GALNT10: variants seen among roughly 807,000 people sequenced by gnomAD.
GALNT10 encodes GalNAc transferase 10.
Under a neutral mutation model 75.0 loss-of-function variants are expected in GALNT10, and 41 were observed. The ratio of observed to expected loss-of-function variants is 0.55; its 90% CI spans 0.43 to 0.71. GALNT10 has a LOEUF of 0.71. Ranked by LOEUF, GALNT10 falls within the 30% of genes least tolerant of loss-of-function variation. The probability of loss-of-function intolerance (pLI) is 0.00; values close to 1 mark genes in which losing one functional copy is unlikely to be tolerated. For synonymous variants in GALNT10, 302 were observed against 313.0 expected (o/e 0.96, Z 0.37); for missense variants, 727 against 818.5 (o/e 0.89, Z 1.36).
At chr5:154,270,959 A>G (rs942770889) in intron 1 of GALNT10, among the ~76,000 whole-genome samples, 1 of 138,268 alleles carries the variant, frequency 7.2e-6, no homozygotes, top group Admixed American at 8.0e-5. Context: ...ACATCACTGC[A>G]CTCCAGCCAG....
intron 1 of GALNT10, among the ~76,000 whole-genome samples, chr5:154,201,137 A>C (rs749406125): frequency 2.0e-5 from 3 of 152,132 alleles, no homozygotes; most frequent in Non-Finnish European, 4.4e-5. Context: ...AGTGGTCTCA[A>C]ACCTGGGCAC....
At chr5:154,311,689 G>A (rs778203684) in intron 3 of GALNT10, among the ~76,000 whole-genome samples, 33 of 150,938 alleles carry the variant, frequency 2.2e-4, no homozygotes, top group South Asian at 2.1e-4. Context: ...TCAGCTCACC[G>A]CAAATTCTGC....
At chr5:154,276,773 C>G (rs1833735) in intron 1 of GALNT10, among the ~76,000 whole-genome samples, 99,362 of 151,950 alleles carry the variant, frequency 0.65, 32,849 homozygotes, top group East Asian at 0.86. Flanking sequence ...GAGAGGCAGA[C>G]AGAGTGCAGT....
chr5:154,375,295 A>T (rs1395078857), intron 4 of GALNT10, among the ~76,000 whole-genome samples: 1 of 152,142 alleles, frequency 6.6e-6, no homozygotes, highest in Non-Finnish European at 1.5e-5. Context: ...AGCATTCCAC[A>T]TTTCGTCATT....
At chr5:154,361,499 T>C (rs1270717052) in intron 4 of GALNT10, among the ~76,000 whole-genome samples, 1 of 152,230 alleles carries the variant, frequency 6.6e-6, no homozygotes. Context: ...CATGTTCTCA[T>C]TGCAGAAATG....
Position 154,380,699 on chromosome 5 carries a change from C to T in GALNT10, c.938+68C>T. 3 of 1,093,172 alleles carry T rather than the reference C, an allele frequency of 2.7e-6. No homozygotes were observed. The South Asian group carries it at 4.4e-5, about 16-fold the overall frequency. The allele number at this position is 1,093,172 out of a possible 1,614,324, so 67.7% of individuals were successfully genotyped here. A position where few individuals can be genotyped will look rare whatever the true frequency, so the allele number is the denominator to read the frequency against. On this transcript the variant is annotated intron_variant, in intron 6 of 11. Coordinates refer to ENST00000297107, the MANE Select transcript of GALNT10 (RefSeq NM_198321.4). ...GACCACTCCCAACACGCACACAACT[C>T]AGGATCGCCATCTCCCTTAAAAGCC...
chr5:154,331,907 T>C (rs1254372834), intron 4 of GALNT10, among the ~76,000 whole-genome samples: 2 of 152,206 alleles, frequency 1.3e-5, no homozygotes, highest in Non-Finnish European at 1.5e-5. Flanking sequence ...TCATTTATTC[T>C]TGACAGCAGC....
chr5:154,404,346 A>G (rs1452288188), intron 8 of GALNT10, 135 bp downstream of exon 8: 1 of 583,500 alleles, frequency 1.7e-6, no homozygotes, highest in Non-Finnish European at 3.1e-6. Flanking sequence ...TCCAGGTGAA[A>G]TCTGATTTAA....
At chr5:154,252,840 T>G (rs1457380712) in intron 1 of GALNT10, among the ~76,000 whole-genome samples, 1 of 151,964 alleles carries the variant, frequency 6.6e-6, no homozygotes, top group East Asian at 1.9e-4. Context: ...ATCTGTATGT[T>G]AGATCTTCAT....
intron 3 of GALNT10, among the ~76,000 whole-genome samples, chr5:154,324,927 A>G (rs1754734194): frequency 6.6e-6 from 1 of 152,228 alleles, no homozygotes; most frequent in Admixed American, 6.5e-5. Flanking sequence ...GAAAGAAAAA[A>G]TGCAAGGATC....
At chr5:154,238,267 A>G (rs976085103) in intron 1 of GALNT10, among the ~76,000 whole-genome samples, 1 of 149,092 alleles carries the variant, frequency 6.7e-6, no homozygotes, top group Non-Finnish European at 1.5e-5. Flanking sequence ...AATGCCCTCT[A>G]TTTCCTTCAA....
At chr5:154,199,952 T>G (rs1194548955) in intron 1 of GALNT10, among the ~76,000 whole-genome samples, 2 of 152,118 alleles carry the variant, frequency 1.3e-5, no homozygotes, top group African/African-American at 2.4e-5. Flanking sequence ...TTGTGAGGAT[T>G]GAGGTACAGA....
At chr5:154,317,844 G>A (rs938772919) in intron 3 of GALNT10, among the ~76,000 whole-genome samples, 14 of 152,190 alleles carry the variant, frequency 9.2e-5, no homozygotes, top group Non-Finnish European at 2.1e-4. Flanking sequence ...CCGGGTCCCC[G>A]ACTGATGCCA....
At chr5:154,257,247 A>G (rs1159043770) in intron 1 of GALNT10, among the ~76,000 whole-genome samples, 1 of 152,216 alleles carries the variant, frequency 6.6e-6, no homozygotes. Flanking sequence ...AGCCAGTTGC[A>G]GAGTCCATTT....
chr5:154,236,827 A>T (rs1753254884), intron 1 of GALNT10, among the ~76,000 whole-genome samples: 1 of 152,188 alleles, frequency 6.6e-6, no homozygotes, highest in Non-Finnish European at 1.5e-5. Context: ...TGGTTGATGG[A>T]TGGGGCTGCA....
At chr5:154,264,885 G>A (rs1753755510) in intron 1 of GALNT10, among the ~76,000 whole-genome samples, 1 of 152,130 alleles carries the variant, frequency 6.6e-6, no homozygotes, top group Admixed American at 6.6e-5. Context: ...CCAATACTGT[G>A]GGCTCTTCAT....
chr5:154,319,918 C>G (rs1754649182), intron 3 of GALNT10, among the ~76,000 whole-genome samples: 2 of 152,306 alleles, frequency 1.3e-5, no homozygotes, highest in Non-Finnish European at 2.9e-5. Flanking sequence ...CCTTTGTCTG[C>G]TGTGATCTGC....
intron 3 of GALNT10, among the ~76,000 whole-genome samples, chr5:154,317,148 A>C (rs908253355): frequency 1.3e-5 from 2 of 152,210 alleles, no homozygotes; most frequent in Non-Finnish European, 2.9e-5. Flanking sequence ...TCAGGATTTG[A>C]ACCCAGGTCC....
chr5:154,367,689 C>T (rs1755497452), intron 4 of GALNT10, among the ~76,000 whole-genome samples: 1 of 151,988 alleles, frequency 6.6e-6, no homozygotes, highest in South Asian at 2.1e-4. Context: ...CTCGTCTCTA[C>T]TGAAAATACA....
Sources: allele counts gnomAD v4.1 joint callset (sites outside exome capture counted in the v4.1 genomes callset), GRCh38; gene constraint gnomAD v4.1.1; transcripts MANE v1.5; gene names NCBI Gene and HGNC (gene_info 2026-07-23, HGNC 2026-07-21).